The following CFAP299 variants were observed in gnomAD, a reference collection of about 807,000 sequenced individuals.
CFAP299 encodes cilia- and flagella-associated protein 299.
Under a neutral mutation model 27.0 loss-of-function variants are expected in CFAP299, and 21 were observed. That is an observed-to-expected ratio of 0.78 (90% confidence interval 0.55 to 1.12). CFAP299 has a LOEUF of 1.12. Among genes scored for constraint, CFAP299 ranks in the 50% most tolerant of loss-of-function variants. The pLI is 0.00. For synonymous variants in CFAP299, 104 were observed against 98.1 expected (o/e 1.06, Z -0.36); for missense variants, 310 against 276.6 (o/e 1.12, Z -0.86).
chr4:80,622,652 T>C (rs967669713), intron 3 of CFAP299, among the ~76,000 whole-genome samples: 10 of 152,202 alleles, frequency 6.6e-5, no homozygotes, highest in Non-Finnish European at 1.5e-4. Context: ...GTACCATGTC[T>C]ACATCAAATA....
At chr4:80,635,350 A>G (rs945548228) in intron 3 of CFAP299, among the ~76,000 whole-genome samples, 2 of 152,156 alleles carry the variant, frequency 1.3e-5, no homozygotes, top group Non-Finnish European at 2.9e-5. Context: ...TGAATCTGTA[A>G]CAAAACCTTC....
chr4:80,864,632 G>C (rs1236491446), intron 3 of CFAP299, among the ~76,000 whole-genome samples: 1 of 150,700 alleles, frequency 6.6e-6, no homozygotes, highest in Non-Finnish European at 1.5e-5. Context: ...CTAAACTTAA[G>C]AAAGAAACTG....
At chr4:80,728,939 T>C (rs1327736966) in intron 3 of CFAP299, among the ~76,000 whole-genome samples, 1 of 152,218 alleles carries the variant, frequency 6.6e-6, no homozygotes, top group Non-Finnish European at 1.5e-5. Flanking sequence ...TTTTAAAAGA[T>C]GCAATACCTA....
intron 2 of CFAP299, among the ~76,000 whole-genome samples, chr4:80,571,408 A>G (rs1465943218): frequency 1.3e-5 from 2 of 152,114 alleles, no homozygotes; most frequent in Non-Finnish European, 2.9e-5. Flanking sequence ...TGGTAACTAA[A>G]TTCTGCATAT....
chr4:80,398,969 A>G (rs1235375269), intron 2 of CFAP299, among the ~76,000 whole-genome samples: 1 of 152,198 alleles, frequency 6.6e-6, no homozygotes, highest in Non-Finnish European at 1.5e-5. Flanking sequence ...TCCAGAATCT[A>G]CAAAGAACTC....
chr4:80,521,047 T>C (rs1732882809), intron 2 of CFAP299, among the ~76,000 whole-genome samples: 1 of 152,118 alleles, frequency 6.6e-6, no homozygotes, highest in East Asian at 1.9e-4. Context: ...GAGGAAACTT[T>C]TGCGATTAAA....
chr4:80,597,446 T>G (rs898368708), intron 3 of CFAP299, among the ~76,000 whole-genome samples: 23 of 152,202 alleles, frequency 1.5e-4, no homozygotes, highest in Non-Finnish European at 2.8e-4. Flanking sequence ...TTGTACATAT[T>G]CTGGATAAAC....
intron 3 of CFAP299, among the ~76,000 whole-genome samples, chr4:80,847,248 AG>A (rs1298611929): frequency 2.0e-5 from 3 of 152,198 alleles, no homozygotes; most frequent in African/African-American, 4.8e-5. Context: ...GCATGAGACC[AG>A]GCTCTGGCCC....
Position 80,531,010 on chromosome 4 carries a change from T to C in CFAP299, c.243-52083T>C, listed in dbSNP as rs568464472. Among the ~76,000 whole-genome samples the C allele has an allele frequency of 7.2e-5, 11 of 152,270 alleles. No homozygotes were observed. In the South Asian group the frequency reaches 2.1e-3, roughly 29 times the overall value. ...TTAGTATAAGACTGGAATTTTTAGA[T>C]GGTTTTAAGCAGAGAAAAAATAATA... On this transcript the variant is annotated intron_variant, in intron 2 of 5. Coordinates refer to ENST00000358105, the MANE Select transcript of CFAP299 (RefSeq NM_152770.3).
intron 3 of CFAP299, among the ~76,000 whole-genome samples, chr4:80,856,046 T>C (rs11732606): frequency 0.23 from 32,891 of 145,892 alleles, 5,726 homozygotes; most frequent in African/African-American, 0.48. Context: ...GTTCCTATTT[T>C]TCCACATCCT....
chr4:80,454,929 C>T (rs935960882), intron 2 of CFAP299, among the ~76,000 whole-genome samples: 6 of 152,098 alleles, frequency 3.9e-5, no homozygotes, highest in Admixed American at 3.9e-4. Context: ...GGAGTTGAAG[C>T]CTCTTGCACT....
intron 2 of CFAP299, among the ~76,000 whole-genome samples, chr4:80,509,715 A>C (rs999838957): frequency 2.0e-5 from 3 of 152,204 alleles, no homozygotes; most frequent in African/African-American, 7.2e-5. Flanking sequence ...GATTTTAACT[A>C]ATCTACAACA....
intron 3 of CFAP299, among the ~76,000 whole-genome samples, chr4:80,830,851 G>A (rs1730262747): frequency 1.3e-5 from 2 of 152,136 alleles, no homozygotes; most frequent in African/African-American, 4.8e-5. Flanking sequence ...CCTGTGAGAA[G>A]AGCAAGGAAT....
intron 3 of CFAP299, among the ~76,000 whole-genome samples, chr4:80,811,458 T>C (rs1729149289): frequency 6.6e-6 from 1 of 152,174 alleles, no homozygotes; most frequent in Non-Finnish European, 1.5e-5. Context: ...ATGATGGGTG[T>C]ATTGGTGACT....
chr4:80,711,377 G>T (rs74627903), intron 3 of CFAP299, among the ~76,000 whole-genome samples: 2,193 of 152,284 alleles, frequency 0.014, 45 homozygotes, highest in Admixed American at 0.057. Flanking sequence ...GAGAGCTAGT[G>T]TAAGTAAGCT....
intron 3 of CFAP299, among the ~76,000 whole-genome samples, chr4:80,604,974 T>A (rs1035741866): frequency 1.3e-5 from 2 of 152,044 alleles, no homozygotes; most frequent in African/African-American, 4.8e-5. Context: ...TCAGAGTTTT[T>A]GAGTTTGAGC....
intron 3 of CFAP299, among the ~76,000 whole-genome samples, chr4:80,800,483 TA>T (rs1206611520): frequency 0.014 from 28 of 2,064 alleles, 1 homozygote; most frequent in East Asian, 0.077. Flanking sequence ...ATATATTATA[TA>T]ATATATAATA....
At chr4:80,849,020 C>T (rs918869294) in intron 3 of CFAP299, among the ~76,000 whole-genome samples, 2 of 152,038 alleles carry the variant, frequency 1.3e-5, no homozygotes, top group Non-Finnish European at 2.9e-5. Flanking sequence ...AATAAATTCA[C>T]CTTAACTTAC....
chr4:80,354,400 C>T (rs1220174473), intron 1 of CFAP299, among the ~76,000 whole-genome samples: 1 of 152,144 alleles, frequency 6.6e-6, no homozygotes, highest in Non-Finnish European at 1.5e-5. Flanking sequence ...AGATTTTACA[C>T]AGCATGATTC....
Sources: allele counts gnomAD v4.1 joint callset (sites outside exome capture counted in the v4.1 genomes callset), GRCh38; gene constraint gnomAD v4.1.1; transcripts MANE v1.5; gene names NCBI Gene and HGNC (gene_info 2026-07-23, HGNC 2026-07-21).